GJA8: variants seen among roughly 807,000 people sequenced by gnomAD.
GJA8 encodes gap junction alpha-8 protein.
In GJA8, 13 loss-of-function variants were observed where a neutral mutation model predicts 15.3. That is an observed-to-expected ratio of 0.85 (90% CI 0.55 to 1.35). GJA8 has a LOEUF of 1.35. Ranked by LOEUF, GJA8 falls within the 40% of genes most tolerant of loss-of-function variation. GJA8 has a pLI of 0.00. For missense variants in GJA8, 607 were observed against 553.3 expected (o/e 1.10, Z -0.97); for synonymous variants, 304 against 238.7 (o/e 1.27, Z -2.52).
In GJA8 at chr1:147,907,944, G is replaced by T; in HGVS notation, c.-11-1G>T. On this transcript the variant is annotated splice_acceptor_variant, in intron 1 of 1. Coordinates refer to ENST00000369235, the MANE Select transcript of GJA8 (RefSeq NM_005267.5). LOFTEE classifies it low-confidence loss of function (5UTR_SPLICE). ...TCTTGCCTTCTCCCTCATTTCTTCA[G>T]GTGGGTGAGAAATGGGCGACTGGAG... 1 of 1,606,474 alleles carries T rather than the reference G, an allele frequency of 6.2e-7. No homozygotes were observed. Among genetic ancestry groups the T allele is most frequent in the Non-Finnish European group, 8.5e-7 (1 of 1,173,270 alleles).
chr1:147,912,074 A>T (rs192046143), downstream of GJA8, among the ~76,000 whole-genome samples: 342 of 152,300 alleles, frequency 2.2e-3, no homozygotes, highest in Middle Eastern at 0.014. Flanking sequence ...GCCATTTAGT[A>T]GCTGTATCAT....
intron 1 of GJA8, among the ~76,000 whole-genome samples, chr1:147,905,249 T>C (rs943666973): frequency 6.6e-6 from 1 of 152,236 alleles, no homozygotes; most frequent in Non-Finnish European, 1.5e-5. Flanking sequence ...CTGCTGTCTA[T>C]GGAGCTCCCA....
chr1:147,904,047 C>A (rs9437984), intron 1 of GJA8, among the ~76,000 whole-genome samples: 1 of 151,352 alleles, frequency 6.6e-6, no homozygotes, highest in Non-Finnish European at 1.5e-5. Flanking sequence ...TTCTCCTGCC[C>A]CAGCCTCCCA....
chr1:147,910,828 C>A (rs587596658), downstream of GJA8, among the ~76,000 whole-genome samples: 1 of 152,248 alleles, frequency 6.6e-6, no homozygotes, highest in South Asian at 2.1e-4. Flanking sequence ...AGCCAGGATC[C>A]CAAAGTGGAG....
chr1:147,904,259 T>C (rs1553241989), intron 1 of GJA8, among the ~76,000 whole-genome samples: 1 of 152,152 alleles, frequency 6.6e-6, no homozygotes, highest in African/African-American at 2.4e-5. Context: ...ATGTCCTTGT[T>C]TGGCAAAATA....
chr1:147,908,212 C>G lies in GJA8; in HGVS notation c.257C>G (p.Ser86Cys). Residue 86 changes from serine (S) to cysteine (C), a missense_variant, in exon 2 of 2, where the codon TCC becomes TGC. Ser to Cys is a moderately radical substitution (Grantham distance 112). Coordinates refer to ENST00000369235, the MANE Select transcript of GJA8 (RefSeq NM_005267.5). ...TGGGTGCTGCAGATCATCTTCGTCT[C>G]CACCCCGTCCCTGATGTACGTGGGG... ...RLWVLQIIFV[S>C]TPSLMYVGHA... 2 of 1,614,214 alleles carry G rather than the reference C, an allele frequency of 1.2e-6. No individual in the cohort carries two copies. The highest frequency in any genetic ancestry group is 8.5e-7 in the Non-Finnish European group (1 of 1,180,040).
rs1553242649 is a variant in GJA8 at position 147,908,316 on chromosome 1, A to G, written c.361A>G (p.Asn121Asp). 1.2e-6 allele frequency: 2 copies of G among 1,614,070 alleles called. No individual in the cohort carries two copies. Among genetic ancestry groups the G allele is most frequent in the African/African-American group, 2.7e-5 (2 of 74,932 alleles). The change falls in exon 2 of 2, where the codon AAC becomes GAC. Residue 121 changes from asparagine to aspartate, a missense_variant. By Grantham distance (23) the Asn-to-Asp change is conservative (BLOSUM62 1). Coordinates refer to ENST00000369235, the MANE Select transcript of GJA8 (RefSeq NM_005267.5). Reference protein sequence around the residue: ...AEELGQQAGTNGGPDQGSVKK... With the variant: ...AEELGQQAGTDGGPDQGSVKK... The stretch of plus-strand genomic sequence containing the variant: ...GGAGCTGGGCCAGCAGGCGGGGACT[A>G]ACGGCGGCCCGGACCAGGGCAGCGT...
chr1:147,904,582 CAG>C (rs1170264045), intron 1 of GJA8, among the ~76,000 whole-genome samples: 1 of 152,142 alleles, frequency 6.6e-6, no homozygotes, highest in African/African-American at 2.4e-5. Context: ...CAAAATAAAA[CAG>C]AGAATTATCT....
the GJA8 span, among the ~76,000 whole-genome samples, chr1:147,914,349 T>A: frequency 7.9e-5 from 12 of 152,312 alleles, no homozygotes; most frequent in East Asian, 2.3e-3. Flanking sequence ...ACAAACTTCC[T>A]GGGGAAATCT....
chr1:147,906,359 C>A (rs1651798196), intron 1 of GJA8, among the ~76,000 whole-genome samples: 1 of 152,210 alleles, frequency 6.6e-6, no homozygotes, highest in African/African-American at 2.4e-5. Context: ...TACAGGTTTG[C>A]ACTGGATGAA....
At chr1:147,911,594 C>T (rs587680345), downstream of GJA8, among the ~76,000 whole-genome samples, 14 of 152,260 alleles carry the variant, frequency 9.2e-5, no homozygotes, top group South Asian at 2.1e-4. Flanking sequence ...TAGCAAGCAA[C>T]GTTATTCTAC....
chr1:147,908,078 A>G lies in GJA8; in HGVS notation c.123A>G (p.Ala41=), dbSNP rs782578309. ...IFRILILGTA[A]EFVWGDEQSD... is the part of the protein sequence containing the mutation. ...GGATCCTCATCCTTGGCACGGCCGC[A>G]GAGTTCGTGTGGGGGGATGAGCAAT... Residue 41 remains alanine, a synonymous_variant, in exon 2 of 2, where the codon GCA becomes GCG. Transcript: ENST00000369235. 2 of 1,614,124 alleles carry G rather than the reference A, an allele frequency of 1.2e-6. No individual in the cohort carries two copies. The highest frequency in any genetic ancestry group is 1.1e-5 in the South Asian group (1 of 91,078).
At chr1:147,905,713 A>G (rs1651769879) in intron 1 of GJA8, among the ~76,000 whole-genome samples, 1 of 152,208 alleles carries the variant, frequency 6.6e-6, no homozygotes, top group Non-Finnish European at 1.5e-5. Context: ...CACTCTTACC[A>G]GGGCAATTAC....
Position 147,909,193 on chromosome 1 carries a change from C to A in GJA8, c.1238C>A (p.Ala413Asp). The A allele has an allele frequency of 6.2e-7, 1 of 1,613,440 alleles. No individual in the cohort carries two copies. The highest frequency in any genetic ancestry group is 1.3e-5 in the African/African-American group (1 of 74,864). Residue 413 changes from alanine (A) to aspartate (D), a missense_variant, in exon 2 of 2, where the codon GCC becomes GAC. Physicochemically the swap from Ala to Asp is moderately radical, Grantham distance 126. Transcript: ENST00000369235. The stretch of plus-strand genomic sequence containing the variant: ...TGTCCAGAGCTGACAACAGATGATG[C>A]CAGACCCCTGAGCAGGCTAAGCAAA... The part of the protein sequence containing the change: ...SLCPELTTDD[A>D]RPLSRLSKAS...
chr1:147,909,267 A>AAAT, exon 2 of GJA8: 1 of 1,487,302 alleles, frequency 6.7e-7, no homozygotes. Context: ...AAGTGACGCC[A>AAAT]AAGAAAAAAA....
At chr1:147,910,637 C>T (rs1268465395), downstream of GJA8, among the ~76,000 whole-genome samples, 1 of 152,206 alleles carries the variant, frequency 6.6e-6, no homozygotes, top group Non-Finnish European at 1.5e-5. Context: ...TCCCCTCTTG[C>T]AGCATCAGTG....
downstream of GJA8, among the ~76,000 whole-genome samples, chr1:147,911,258 G>A (rs1436675112): frequency 6.6e-6 from 1 of 152,084 alleles, no homozygotes; most frequent in Non-Finnish European, 1.5e-5. Flanking sequence ...GCTGCCCTCT[G>A]GTTACCACCT....
At chr1:147,904,881 G>A (rs1571172775) in intron 1 of GJA8, among the ~76,000 whole-genome samples, 1 of 152,198 alleles carries the variant, frequency 6.6e-6, no homozygotes. Flanking sequence ...TTAGCATGGC[G>A]GCTTAGAGTA....
downstream of GJA8, among the ~76,000 whole-genome samples, chr1:147,912,400 G>C (rs1478811711): frequency 6.6e-6 from 1 of 152,180 alleles, no homozygotes; most frequent in Non-Finnish European, 1.5e-5. Context: ...TGTTTAGTAG[G>C]AACCTGAGGC....
Sources: allele counts gnomAD v4.1 joint callset (sites outside exome capture counted in the v4.1 genomes callset), GRCh38; gene constraint gnomAD v4.1.1; transcripts MANE v1.5; gene names NCBI Gene and HGNC (gene_info 2026-07-23, HGNC 2026-07-21).